The following STXBP5L variants were observed in gnomAD, a reference collection of about 807,000 sequenced individuals.
The protein encoded by STXBP5L is syntaxin binding protein 5L, also known as syntaxin-binding protein 5-like.
In STXBP5L, 65 loss-of-function variants were observed where a neutral mutation model predicts 144.5. The observed-to-expected ratio is 0.45, with a 90% confidence interval of 0.37 to 0.55. The LOEUF is 0.55. Ranked by LOEUF, STXBP5L falls within the 20% of genes least tolerant of loss-of-function variation. STXBP5L has a pLI of 0.00. For synonymous variants in STXBP5L, 505 were observed against 469.6 expected (o/e 1.08, Z -0.97); for missense variants, 1,298 against 1,405.5 (o/e 0.92, Z 1.22).
chr3:121,393,973 G>A (rs1471159240), intron 22 of STXBP5L, among the ~76,000 whole-genome samples: 2 of 152,136 alleles, frequency 1.3e-5, no homozygotes, highest in African/African-American at 4.8e-5. Flanking sequence ...AATGCTGTTG[G>A]CAAATTGATA....
intron 20 of STXBP5L, among the ~76,000 whole-genome samples, chr3:121,359,988 A>AATATATATATTATTACTATATAATATAAT: frequency 1.4e-5 from 2 of 145,398 alleles, no homozygotes; most frequent in South Asian, 2.1e-4. Flanking sequence ...TAATATATAT[A>AATATATATATTATTACTATATAATATAAT]ATATATATAT....
chr3:121,257,375 A>C (rs781350632), intron 17 of STXBP5L, 42 bp downstream of exon 17: 11 of 1,521,956 alleles, frequency 7.2e-6, no homozygotes, highest in Non-Finnish European at 9.9e-6. Flanking sequence ...TTAGATATTA[A>C]TCATATGTCT....
intron 10 of STXBP5L, among the ~76,000 whole-genome samples, chr3:121,213,361 T>C (rs1466744525): frequency 2.6e-5 from 4 of 152,160 alleles, no homozygotes; most frequent in African/African-American, 7.2e-5. Context: ...CATAAATAGC[T>C]CTTATTATTT....
chr3:120,933,343 C>T (rs769656764), intron 2 of STXBP5L, among the ~76,000 whole-genome samples: 1 of 152,094 alleles, frequency 6.6e-6, no homozygotes, highest in Non-Finnish European at 1.5e-5. Flanking sequence ...GTTATTTTAA[C>T]TGTATCTCAG....
At chr3:121,358,634 A>C (rs1051721397) in intron 20 of STXBP5L, among the ~76,000 whole-genome samples, 5 of 152,288 alleles carry the variant, frequency 3.3e-5, no homozygotes, top group Middle Eastern at 6.8e-3. Context: ...ACACTTCAAC[A>C]TGAGATTTGG....
rs1937855913 is a variant in STXBP5L at position 120,954,945 on chromosome 3, T to C, written c.195T>C (p.Val65=). Reference sequence around the variant, plus strand: ...TATTATTTGCTCTCTTTCAGACAGTTCGGCATGGTTTTCCTCATCAGCCCA... The same window carrying C: ...TATTATTTGCTCTCTTTCAGACAGTCCGGCATGGTTTTCCTCATCAGCCCA... The part of the protein sequence containing the change: ...TSEYFQICKT[V]RHGFPHQPTA... The change falls in exon 3 of 27, where the codon GTT becomes GTC. Residue 65 remains valine, a synonymous_variant. Transcript: ENST00000471454. 1 of 1,612,004 alleles carries C rather than the reference T, an allele frequency of 6.2e-7. No individual in the cohort carries two copies. Among genetic ancestry groups the C allele is most frequent in the Non-Finnish European group, 8.5e-7 (1 of 1,178,792 alleles).
Position 121,422,661 on chromosome 3 carries a change from C to A in STXBP5L, c.*3564C>A, listed in dbSNP as rs1245670729. ...AATCATTGTCAAGATCATTGTCTAACTGGAACTCTGAAAGGACAGTGACAG... is the reference window on the plus strand; with the variant it reads ...AATCATTGTCAAGATCATTGTCTAAATGGAACTCTGAAAGGACAGTGACAG... On this transcript the variant is annotated 3_prime_UTR_variant, in exon 27 of 27. Transcript: ENST00000471454. The A allele has an allele frequency of 6.6e-6, 1 of 152,102 alleles. No individual in the cohort carries two copies. Among genetic ancestry groups the A allele is most frequent in the Non-Finnish European group, 1.5e-5 (1 of 68,012 alleles). The allele number at this position is 152,102 out of a possible 1,614,324, so 9.4% of individuals were successfully genotyped here.
chr3:121,285,433 G>GT lies in STXBP5L; in HGVS notation c.2110+5479dup, dbSNP rs554724434. 2.1e-4 allele frequency among the ~76,000 whole-genome samples: 32 copies of GT among 152,066 alleles called. No homozygotes were observed. The East Asian group carries it at 5.8e-3, about 27-fold the overall frequency. On this transcript the variant is annotated intron_variant, in intron 19 of 26. Coordinates refer to ENST00000471454, the MANE Select transcript of STXBP5L (RefSeq NM_001308330.2). Reference sequence around the variant, plus strand: ...TTCAGGAACATTGGAAACCAAGTCCGTTATTTTATAATCAGAAAACACCTC... The same window carrying GT: ...TTCAGGAACATTGGAAACCAAGTCCGTTTATTTTATAATCAGAAAACACCTC...
At chr3:120,977,965 G>A (rs889175886) in intron 3 of STXBP5L, among the ~76,000 whole-genome samples, 2 of 152,136 alleles carry the variant, frequency 1.3e-5, no homozygotes, top group Non-Finnish European at 2.9e-5. Flanking sequence ...TTTGTCTCTG[G>A]CTGCCCTTAA....
chr3:121,135,249 T>C (rs1362664560), intron 7 of STXBP5L, among the ~76,000 whole-genome samples: 1 of 152,080 alleles, frequency 6.6e-6, no homozygotes, highest in African/African-American at 2.4e-5. Context: ...TTTTTGACGG[T>C]GTTGTTTGTT....
At chr3:121,378,941 TAATGGGA>T in intron 21 of STXBP5L, 55 bp downstream of exon 21, 1 of 1,541,208 alleles carries the variant, frequency 6.5e-7, no homozygotes, top group East Asian at 2.3e-5. Flanking sequence ...TTTACAATGG[TAATGGGA>T]ACAGAGATAT....
chr3:121,202,304 C>T (rs1321719036), intron 9 of STXBP5L, among the ~76,000 whole-genome samples: 3 of 152,044 alleles, frequency 2.0e-5, no homozygotes, highest in Non-Finnish European at 4.4e-5. Context: ...GGTATCTTTT[C>T]CTTGTTCCAA....
At chr3:121,037,187 C>T (rs901945008) in intron 3 of STXBP5L, among the ~76,000 whole-genome samples, 9 of 151,004 alleles carry the variant, frequency 6.0e-5, no homozygotes, top group Non-Finnish European at 1.3e-4. Context: ...TCTGCTTTGG[C>T]TTCCGAAAGT....
intron 19 of STXBP5L, among the ~76,000 whole-genome samples, chr3:121,295,710 T>C (rs1546347): frequency 0.49 from 74,295 of 151,928 alleles, 18,625 homozygotes; most frequent in East Asian, 0.73. Context: ...GTGAACTTTT[T>C]GATTGTCACA....
intron 9 of STXBP5L, among the ~76,000 whole-genome samples, chr3:121,180,885 GA>G (rs146378003): frequency 0.1 from 14,891 of 147,794 alleles, 1,155 homozygotes; most frequent in Admixed American, 0.21. Flanking sequence ...AAAAGAAAAA[GA>G]AGAGAAGACA....
In STXBP5L at chr3:121,413,339, C is replaced by A; in HGVS notation, c.3114+16C>A. On this transcript the variant is annotated intron_variant, in intron 24 of 26. Coordinates refer to ENST00000471454, the MANE Select transcript of STXBP5L (RefSeq NM_001308330.2). ...TAATCTACAGGTAGGTCAGGAGTTA[C>A]ATTTATGAAAAAGACATTGGACATG... 1 of 1,501,366 alleles carries A rather than the reference C, an allele frequency of 6.7e-7. No individual in the cohort carries two copies. The allele number at this position is 1,501,366 out of a possible 1,614,324, so 93.0% of individuals were successfully genotyped here. A position where few individuals can be genotyped will look rare whatever the true frequency, so the allele number is the denominator to read the frequency against.
chr3:121,291,247 A>G (rs2051427932), intron 19 of STXBP5L, among the ~76,000 whole-genome samples: 1 of 152,180 alleles, frequency 6.6e-6, no homozygotes, highest in Non-Finnish European at 1.5e-5. Context: ...GCACTGCTAT[A>G]TACCAATAGT....
chr3:121,403,173 T>C (rs144173694), intron 22 of STXBP5L, among the ~76,000 whole-genome samples: 12 of 152,234 alleles, frequency 7.9e-5, no homozygotes, highest in African/African-American at 2.9e-4. Flanking sequence ...CTGCATATTC[T>C]CTCCTGTTAC....
chr3:121,041,522 A>T (rs912086565), intron 3 of STXBP5L, among the ~76,000 whole-genome samples, 178 bp from the exon 4 acceptor site: 1 of 152,082 alleles, frequency 6.6e-6, no homozygotes, highest in Non-Finnish European at 1.5e-5. Context: ...TTGTTGGAGT[A>T]TTAAACATCT....
Sources: gnomAD v4.1 joint callset for allele counts (sites outside exome capture counted in the v4.1 genomes callset) on GRCh38, gnomAD v4.1.1 for gene constraint, MANE v1.5 for transcripts, NCBI Gene and HGNC (gene_info 2026-07-23, HGNC 2026-07-21) for gene names.